The following STAG1 variants were observed in gnomAD, a reference collection of about 807,000 sequenced individuals.
STAG1 encodes the protein cohesin subunit SA-1.
Under a neutral mutation model 170.9 loss-of-function variants are expected in STAG1, and 26 were observed. The ratio of observed to expected loss-of-function variants is 0.15; its 90% CI spans 0.11 to 0.21. The LOEUF (loss-of-function observed/expected upper bound fraction) is 0.21. STAG1 is among the 10% of genes least tolerant of loss of function. STAG1 has a pLI of 1.00. For synonymous variants in STAG1, 514 were observed against 497.7 expected, an observed-to-expected ratio of 1.03 and a Z score of -0.44; for missense variants, 964 against 1,509.5, an observed-to-expected ratio of 0.64 and a Z score of 5.99.
rs563431476 is a variant in STAG1 at position 136,569,469 on chromosome 3, T to A, written c.298-608A>T. On this transcript the variant is annotated intron_variant, in intron 4 of 33. Transcript: ENST00000383202. ...GGTTCAATAAAATCTACTTAAAGGA[T>A]AAAAAGACTAAAATATATTTGTTGT... 4.0e-5 allele frequency among the ~76,000 whole-genome samples: 6 copies of A among 148,560 alleles called. No homozygotes were observed. In the East Asian group the frequency reaches 1.2e-3, roughly 29 times the overall value.
At chr3:136,738,785 T>C (rs1934492217) in intron 1 of STAG1, among the ~76,000 whole-genome samples, 1 of 152,186 alleles carries the variant, frequency 6.6e-6, no homozygotes, top group Non-Finnish European at 1.5e-5. Context: ...TGAGAACAGA[T>C]TTTAAGTGTT....
intron 1 of STAG1, among the ~76,000 whole-genome samples, chr3:136,674,689 T>C (rs969679643): frequency 1.3e-5 from 2 of 152,224 alleles, no homozygotes; most frequent in East Asian, 1.9e-4. Context: ...ATCCTGATTG[T>C]GGTGACTGAT....
chr3:136,576,254 A>G (rs1030142641), intron 4 of STAG1, among the ~76,000 whole-genome samples: 3 of 152,188 alleles, frequency 2.0e-5, no homozygotes, highest in African/African-American at 4.8e-5. Flanking sequence ...GTATGATTCT[A>G]TTTTTTAAAT....
chr3:136,475,285 T>C (rs952351765), intron 10 of STAG1, among the ~76,000 whole-genome samples: 2 of 151,872 alleles, frequency 1.3e-5, no homozygotes, highest in African/African-American at 4.8e-5. Flanking sequence ...TAGCTGAAAT[T>C]ACAGGTGCCC....
intron 1 of STAG1, among the ~76,000 whole-genome samples, chr3:136,688,284 G>A (rs1036125247): frequency 9.2e-5 from 14 of 152,208 alleles, no homozygotes; most frequent in Admixed American, 2.6e-4. Flanking sequence ...GAGTTCTTAT[G>A]TAAGTGTCTT....
At chr3:136,423,871 T>A (rs2088033080) in intron 16 of STAG1, among the ~76,000 whole-genome samples, 2 of 152,010 alleles carry the variant, frequency 1.3e-5, no homozygotes, top group African/African-American at 2.4e-5. Context: ...TTTTTATTTT[T>A]TTTTATTTTT....
intron 13 of STAG1, among the ~76,000 whole-genome samples, chr3:136,462,712 T>C (rs1360829319): frequency 1.3e-5 from 2 of 152,208 alleles, no homozygotes; most frequent in African/African-American, 4.8e-5. Flanking sequence ...TTTGAGGTGA[T>C]GGATATCCCA....
chr3:136,357,906 CTAACATTACACAAATATTTGTGAAGGTAG>C, intron 27 of STAG1, 58 bp from the exon 28 acceptor site: 3 of 1,387,196 alleles, frequency 2.2e-6, no homozygotes, highest in Non-Finnish European at 3.0e-6. Flanking sequence ...TCTCAATTAG[CTAACATTACACAAATATTTGTGAAGGTAG>C]TAAAATTATC....
chr3:136,457,935 AAAAC>A (rs2089164353), intron 13 of STAG1, among the ~76,000 whole-genome samples: 1 of 152,158 alleles, frequency 6.6e-6, no homozygotes, highest in South Asian at 2.1e-4. Flanking sequence ...TGTCTCTACA[AAAAC>A]AAAAAACAAA....
intron 1 of STAG1, among the ~76,000 whole-genome samples, chr3:136,679,724 G>A (rs997983185): frequency 3.9e-5 from 4 of 103,462 alleles, no homozygotes; most frequent in Non-Finnish European, 5.5e-5. Context: ...GCAAGACTCC[G>A]TCTTAAAAAA....
chr3:136,706,143 T>A (rs1943222741), intron 1 of STAG1, among the ~76,000 whole-genome samples: 1 of 152,192 alleles, frequency 6.6e-6, no homozygotes, highest in African/African-American at 2.4e-5. Flanking sequence ...GATGCATTTA[T>A]GAAAAGCCTA....
At chr3:136,638,567 G>A (rs1423043410) in intron 1 of STAG1, among the ~76,000 whole-genome samples, 1 of 152,164 alleles carries the variant, frequency 6.6e-6, no homozygotes, top group African/African-American at 2.4e-5. Context: ...AAAGCTCTTA[G>A]AGTTAGCAAA....
At chr3:136,459,727 A>C (rs2089222266) in intron 13 of STAG1, among the ~76,000 whole-genome samples, 1 of 152,214 alleles carries the variant, frequency 6.6e-6, no homozygotes, top group African/African-American at 2.4e-5. Flanking sequence ...AAATTGTTCA[A>C]GTTCATGTAA....
chr3:136,708,273 A>G (rs1469111431), intron 1 of STAG1, among the ~76,000 whole-genome samples: 1 of 152,208 alleles, frequency 6.6e-6, no homozygotes, highest in Non-Finnish European at 1.5e-5. Context: ...TGGTATATAC[A>G]TACAATTGAA....
intron 16 of STAG1, among the ~76,000 whole-genome samples, chr3:136,430,806 G>GACACAC (rs35492621): frequency 0.047 from 6,210 of 130,968 alleles, 203 homozygotes; most frequent in East Asian, 0.061. Flanking sequence ...GACATAGACA[G>GACACAC]ACACACACAC....
chr3:136,713,069 G>T (rs1169234633), intron 1 of STAG1, among the ~76,000 whole-genome samples: 1 of 152,062 alleles, frequency 6.6e-6, no homozygotes, highest in Non-Finnish European at 1.5e-5. Flanking sequence ...TCCAGGCAGG[G>T]CAACAAAAGC....
intron 1 of STAG1, among the ~76,000 whole-genome samples, chr3:136,739,598 T>C (rs191824453): frequency 4.6e-5 from 7 of 150,642 alleles, no homozygotes; most frequent in African/African-American, 9.8e-5. Flanking sequence ...AGGCAGAGGA[T>C]TGCCTGAGGT....
intron 26 of STAG1, among the ~76,000 whole-genome samples, chr3:136,359,820 T>G (rs1223541388): frequency 6.6e-6 from 1 of 152,210 alleles, no homozygotes; most frequent in Non-Finnish European, 1.5e-5. Flanking sequence ...AAAGAATGTA[T>G]TTTGAGATGG....
intron 16 of STAG1, among the ~76,000 whole-genome samples, chr3:136,424,282 C>A (rs1052830218): frequency 2.0e-5 from 3 of 149,846 alleles, no homozygotes; most frequent in African/African-American, 7.4e-5. Context: ...TATGAAACAT[C>A]TAAGGATACT....
Sources: allele counts gnomAD v4.1 joint callset (sites outside exome capture counted in the v4.1 genomes callset), GRCh38; gene constraint gnomAD v4.1.1; transcripts MANE v1.5; gene names NCBI Gene and HGNC (gene_info 2026-07-23, HGNC 2026-07-21).